Variants in ARPP21 observed in about 807,000 individuals in gnomAD.
The protein encoded by ARPP21 is cAMP-regulated phosphoprotein 21.
Under a neutral mutation model 113.2 loss-of-function variants are expected in ARPP21, and 69 were observed. The observed-to-expected ratio is 0.61, with a 90% confidence interval of 0.50 to 0.74. ARPP21 has a LOEUF of 0.74. Among genes scored for constraint, ARPP21 ranks in the 30% least tolerant of loss-of-function variants. ARPP21 has a pLI of 0.00. For synonymous variants in ARPP21, 368 were observed against 375.5 expected, an observed-to-expected ratio of 0.98 and a Z score of 0.23; for missense variants, 1,070 against 1,037.4, an observed-to-expected ratio of 1.03 and a Z score of -0.43.
intron 11 of ARPP21, among the ~76,000 whole-genome samples, chr3:35,714,392 TC>T (rs1434820836): frequency 7.9e-5 from 12 of 152,216 alleles, no homozygotes; most frequent in Non-Finnish European, 1.0e-4. Context: ...ATTAGCAGGA[TC>T]TTTTAAGTCA....
chr3:35,761,414 G>C (rs1245467883), intron 19 of ARPP21, among the ~76,000 whole-genome samples: 1 of 152,036 alleles, frequency 6.6e-6, no homozygotes, highest in Non-Finnish European at 1.5e-5. Context: ...CTTCAAAAGA[G>C]CTTCTTCTTT....
In ARPP21 at chr3:35,659,595, G is replaced by A. The variant is rs146059797; in HGVS notation, c.-213+19197G>A. Among the ~76,000 whole-genome samples the A allele has an allele frequency of 3.3e-5, 5 of 152,252 alleles. No homozygotes were observed. In the East Asian group the frequency reaches 9.7e-4, roughly 29 times the overall value. Reference sequence around the variant, plus strand: ...ATCATTTCAAGGCCCTAGGATAAGTGCTGGAGTGCAGGTGTGTAGCCTGAT... The same window carrying A: ...ATCATTTCAAGGCCCTAGGATAAGTACTGGAGTGCAGGTGTGTAGCCTGAT... On this transcript the variant is annotated intron_variant, in intron 1 of 20. Coordinates refer to ENST00000684406, the MANE Select transcript of ARPP21 (RefSeq NM_001385562.1).
At chr3:35,675,392 C>T (rs148435070) in intron 1 of ARPP21, among the ~76,000 whole-genome samples, 4 of 151,816 alleles carry the variant, frequency 2.6e-5, no homozygotes, top group Admixed American at 6.6e-5. Flanking sequence ...GGGAGCAGAG[C>T]CTTTGGCTTC....
intron 18 of ARPP21, among the ~76,000 whole-genome samples, chr3:35,740,114 A>G (rs921375270): frequency 2.6e-5 from 4 of 152,222 alleles, no homozygotes; most frequent in African/African-American, 9.6e-5. Context: ...AGCAGAGCTC[A>G]CACATCTCTC....
rs368839028 is a variant in ARPP21, at chr3:35,690,850, T to C, written c.546-15T>C. ...TGAAAATGCTGATTCCACTTTTTCT[T>C]GAATTATGTTCTAGTAATCATTATA... On this transcript the variant is annotated splice_polypyrimidine_tract_variant and intron_variant, in intron 8 of 20. Transcript: ENST00000684406. 45 of 1,582,678 alleles carry C rather than the reference T, an allele frequency of 2.8e-5. No homozygotes were observed. The African/African-American group carries it at 5.3e-4, about 19-fold the overall frequency.
intron 1 of ARPP21, among the ~76,000 whole-genome samples, chr3:35,654,390 A>G (rs1006209405): frequency 6.6e-6 from 1 of 152,092 alleles, no homozygotes; most frequent in African/African-American, 2.4e-5. Flanking sequence ...AGGGAAAGGC[A>G]CTACATTATT....
intron 19 of ARPP21, among the ~76,000 whole-genome samples, chr3:35,767,992 TCAA>T (rs755251887): frequency 3.9e-5 from 6 of 152,148 alleles, no homozygotes; most frequent in Non-Finnish European, 8.8e-5. Context: ...TCTGGCTCTA[TCAA>T]CAACTTCCTT....
intron 10 of ARPP21, among the ~76,000 whole-genome samples, chr3:35,708,155 G>T (rs1381091254): frequency 6.6e-6 from 1 of 152,124 alleles, no homozygotes; most frequent in Non-Finnish European, 1.5e-5. Context: ...TATGAAACAT[G>T]TGCCTGTGTC....
intron 19 of ARPP21, chr3:35,775,116 T>C (rs2096318252): frequency 6.6e-6 from 1 of 152,170 alleles, no homozygotes; most frequent in South Asian, 2.1e-4. Flanking sequence ...AAATGCTCTC[T>C]GAGTGACTGG....
At chr3:35,752,716 G>A (rs866089838) in intron 19 of ARPP21, among the ~76,000 whole-genome samples, 3 of 152,020 alleles carry the variant, frequency 2.0e-5, no homozygotes, top group South Asian at 4.1e-4. Context: ...TGATGCTGGC[G>A]CTACTGGTCT....
At chr3:35,654,114 A>G (rs1248521014) in intron 1 of ARPP21, among the ~76,000 whole-genome samples, 1 of 152,054 alleles carries the variant, frequency 6.6e-6, no homozygotes, top group Non-Finnish European at 1.5e-5. Context: ...GAACAAACAG[A>G]TGCCTAGGAA....
chr3:35,768,101 TG>T (rs2096055742), intron 19 of ARPP21, among the ~76,000 whole-genome samples: 2 of 128,340 alleles, frequency 1.6e-5, no homozygotes, highest in Admixed American at 1.5e-4. Context: ...TGTGTGTGTG[TG>T]TGTGTGTGTG....
chr3:35,640,099 G>T lies in ARPP21; in HGVS notation c.-512G>T, dbSNP rs953565094. 1 of 152,196 alleles carries T rather than the reference G, an allele frequency of 6.6e-6. No individual in the cohort carries two copies. The highest frequency in any genetic ancestry group is 6.5e-5 in the Admixed American group (1 of 15,284). The allele number at this position is 152,196 out of a possible 1,614,324, so 9.4% of individuals were successfully genotyped here. A position where few individuals can be genotyped will look rare whatever the true frequency, so the allele number is the denominator to read the frequency against. On this transcript the variant is annotated 5_prime_UTR_variant, in exon 1 of 21. Coordinates refer to ENST00000684406, the MANE Select transcript of ARPP21 (RefSeq NM_001385562.1). ...CCGGAGCAGAGACCAGCAGCAGCAG[G>T]GGCAGCGGGGACACAAGCCGCGACC...
At chr3:35,770,930 A>G (rs2096178120) in intron 19 of ARPP21, among the ~76,000 whole-genome samples, 1 of 152,206 alleles carries the variant, frequency 6.6e-6, no homozygotes, top group Admixed American at 6.5e-5. Context: ...GGATTTTCAA[A>G]GTAAAGCAGG....
At position 35,752,250 on chromosome 3, in the gene ARPP21, A is replaced by G. The variant is rs541421960; in HGVS notation, c.2137+8285A>G. On this transcript the variant is annotated intron_variant, in intron 19 of 20. Transcript: ENST00000684406. ...GACTGATACTATGATAACAGTATCA[A>G]TCAGGAATCTGCAGACAGCACTCTG... is the stretch of plus-strand genomic sequence containing the variant. Among the ~76,000 whole-genome samples, 9 of 152,150 alleles carry G rather than the reference A, an allele frequency of 5.9e-5. No homozygotes were observed. The South Asian group carries it at 6.2e-4, about 11-fold the overall frequency.
At chr3:35,716,864 G>A (rs2092474623) in intron 12 of ARPP21, among the ~76,000 whole-genome samples, 1 of 151,840 alleles carries the variant, frequency 6.6e-6, no homozygotes, top group African/African-American at 2.4e-5. Flanking sequence ...AGGTCTTGAT[G>A]GTCCTGGAAA....
intron 6 of ARPP21, 100 bp from the exon 7 acceptor site, chr3:35,689,207 A>G: frequency 1.4e-6 from 1 of 705,990 alleles, no homozygotes; most frequent in Admixed American, 2.5e-5. Context: ...TTCACCTAAA[A>G]TTTATCTGAG....
At chr3:35,715,840 G>T (rs1220868587) in intron 12 of ARPP21, 1 of 162,844 alleles carries the variant, frequency 6.1e-6, no homozygotes, top group Non-Finnish European at 1.3e-5. Flanking sequence ...TCTGCTAGAG[G>T]CATGCATATA....
At chr3:35,675,600 A>G (rs1007422983) in intron 1 of ARPP21, among the ~76,000 whole-genome samples, 5 of 151,874 alleles carry the variant, frequency 3.3e-5, no homozygotes, top group Admixed American at 1.3e-4. Context: ...AAAAAATTAT[A>G]GAGTTGTCTT....
Sources: gnomAD v4.1 joint callset for allele counts (sites outside exome capture counted in the v4.1 genomes callset) on GRCh38, gnomAD v4.1.1 for gene constraint, MANE v1.5 for transcripts, NCBI Gene and HGNC (gene_info 2026-07-23, HGNC 2026-07-21) for gene names.